ACVR2B: variants seen among roughly 807,000 people sequenced by gnomAD.
ACVR2B encodes activin receptor type-2B.
In ACVR2B, 18 loss-of-function variants were observed where a neutral mutation model predicts 65.1. The ratio of observed to expected loss-of-function variants is 0.28; its 90% CI spans 0.19 to 0.41. The LOEUF (loss-of-function observed/expected upper bound fraction) is 0.41, where lower values mean the gene tolerates loss of function less well. Ranked by LOEUF, ACVR2B falls within the 10% of genes least tolerant of loss-of-function variation. The probability of loss-of-function intolerance (pLI) is 1.00; values close to 1 mark genes in which losing one functional copy is unlikely to be tolerated. For synonymous variants in ACVR2B, 298 were observed against 277.7 expected (o/e 1.07, Z -0.73); for missense variants, 482 against 682.7 (o/e 0.71, Z 3.28).
rs948237461 is a variant in ACVR2B, at chr3:38,488,058, G to A, written c.*4726G>A. On this transcript the variant is annotated 3_prime_UTR_variant, in exon 11 of 11. Coordinates refer to ENST00000352511, the MANE Select transcript of ACVR2B (RefSeq NM_001106.4). ...AACAGCCAAAAAGAGAAGGGGACAA[G>A]GTGTCTTTTTCTCCTTCTCACTGGG... 6.6e-6 allele frequency: 1 copy of A among 152,162 alleles called. No individual in the cohort carries two copies. The highest frequency in any genetic ancestry group is 1.5e-5 in the Non-Finnish European group (1 of 68,040). The allele number at this position is 152,162 out of a possible 1,614,324, so 9.4% of individuals were successfully genotyped here.
rs1489220491 is a variant in ACVR2B at position 38,492,987 on chromosome 3, C to T, written c.*9655C>T. Reference sequence around the variant, plus strand: ...GATCTGCTAAGTTGGGGTTTTGCTGCTTGAACTCTGCACTGGGTCCTCAAA... The same window carrying T: ...GATCTGCTAAGTTGGGGTTTTGCTGTTTGAACTCTGCACTGGGTCCTCAAA... On this transcript the variant is annotated 3_prime_UTR_variant, in exon 11 of 11. Coordinates refer to ENST00000352511, the MANE Select transcript of ACVR2B (RefSeq NM_001106.4). 1 of 152,518 alleles carries T rather than the reference C, an allele frequency of 6.6e-6. No homozygotes were observed. Among genetic ancestry groups the T allele is most frequent in the Non-Finnish European group, 1.5e-5 (1 of 68,018 alleles). 9.4% of individuals were successfully genotyped at this position (152,518 alleles called of 1,614,324 possible).
Position 38,454,309 on chromosome 3 carries a change from C to G in ACVR2B, c.-14C>G, listed in dbSNP as rs1217606351. 4.6e-5 allele frequency: 59 copies of G among 1,281,036 alleles called. No homozygotes were observed. Among genetic ancestry groups the G allele is most frequent in the Non-Finnish European group, 5.6e-5 (57 of 1,014,328 alleles). 79.4% of individuals were successfully genotyped at this position (1,281,036 alleles called of 1,614,324 possible). On this transcript the variant is annotated 5_prime_UTR_variant, in exon 1 of 11. Transcript: ENST00000352511. Reference sequence around the variant, plus strand: ...CCGCGGGCTCCGGGTGTGCGCGGGGCGGCGCCGCGGAACATGACGGCGCCC... The same window carrying G: ...CCGCGGGCTCCGGGTGTGCGCGGGGGGGCGCCGCGGAACATGACGGCGCCC...
rs186904163 is a variant in ACVR2B, at chr3:38,490,514, T to A, written c.*7182T>A. 2.0e-5 allele frequency: 3 copies of A among 152,724 alleles called. No homozygotes were observed. The highest frequency in any genetic ancestry group is 2.0e-4 in the Admixed American group (3 of 15,298). The allele number at this position is 152,724 out of a possible 1,614,324, so 9.5% of individuals were successfully genotyped here. On this transcript the variant is annotated 3_prime_UTR_variant, in exon 11 of 11. Coordinates refer to ENST00000352511, the MANE Select transcript of ACVR2B (RefSeq NM_001106.4). The stretch of plus-strand genomic sequence containing the variant: ...ATTTTCTCTGCTCTCCAGCCACGTG[T>A]CTTGGAATGTAATTCTGTTGTGCCT...
In ACVR2B at chr3:38,477,025, CT is replaced by C. The variant is rs1397490395; in HGVS notation, c.53-261del. On this transcript the variant is annotated intron_variant, in intron 1 of 10. Transcript: ENST00000352511. The surrounding 1 kb of genome is among the most constrained non-coding windows in gnomAD (Gnocchi z 6.7). ...CCTTCTGTGGCATTAGGTTTCCTGC[CT>C]CCTCCCTTTTGCTTAGGCCTAGGGG... 1.7e-6 allele frequency: 1 copy of C among 573,480 alleles called. No individual in the cohort carries two copies. Among genetic ancestry groups the C allele is most frequent in the Non-Finnish European group, 3.1e-6 (1 of 320,472 alleles). The allele number at this position is 573,480 out of a possible 1,614,324, so 35.5% of individuals were successfully genotyped here. A position where few individuals can be genotyped will look rare whatever the true frequency, so the allele number is the denominator to read the frequency against.
chr3:38,473,796 G>A (rs2125719869), intron 1 of ACVR2B: 1 of 152,282 alleles, frequency 6.6e-6, no homozygotes, highest in East Asian at 1.9e-4. Flanking sequence ...TAGCTGTGAA[G>A]TATTGGAGTA....
At chr3:38,472,267 T>C (rs1709831520) in intron 1 of ACVR2B, among the ~76,000 whole-genome samples, 1 of 152,106 alleles carries the variant, frequency 6.6e-6, no homozygotes, top group Non-Finnish European at 1.5e-5. Context: ...AAGTCACTGC[T>C]CTTGGCCCTC....
At position 38,483,237 on chromosome 3, in the gene ACVR2B, C is replaced by G. The variant is rs144370188; in HGVS notation, c.1444C>G (p.Arg482Gly). The G allele has an allele frequency of 6.2e-7, 1 of 1,614,034 alleles. No individual in the cohort carries two copies. The highest frequency in any genetic ancestry group is 1.7e-4 in the Middle Eastern group (1 of 6,060). ...GCVEERVSLIRRSVNGTTSDC... is the reference protein window; with the variant it reads ...GCVEERVSLIGRSVNGTTSDC... ...TGTGGAGGAGCGGGTGTCCCTGATT[C>G]GGAGGTCGGTCAACGGCACTACCTC... Residue 482 changes from arginine (R) to glycine (G), a missense_variant, in exon 11 of 11, where the codon CGG (arginine) becomes GGG (glycine). Around this residue, in one of 5 missense-constraint regions of ACVR2B, gnomAD observed 223 missense variants for 386.3 expected, o/e 0.58. Transcript: ENST00000352511. This position sits in a 1 kb window ranked among gnomAD's most constrained non-coding sequence, Gnocchi z 4.8.
chr3:38,462,252 C>T (rs1056450609), intron 1 of ACVR2B, among the ~76,000 whole-genome samples: 2 of 152,014 alleles, frequency 1.3e-5, no homozygotes, highest in African/African-American at 4.8e-5. Flanking sequence ...CTTTTTTCCA[C>T]CTAAAATGGT....
intron 5 of ACVR2B, 130 bp from the exon 6 acceptor site, chr3:38,478,998 G>T: frequency 3.3e-6 from 4 of 1,218,712 alleles, no homozygotes; most frequent in Non-Finnish European, 4.8e-6. Flanking sequence ...CTGGGAGGCT[G>T]GGGGGTGGGG....
intron 5 of ACVR2B, 151 bp from the exon 6 acceptor site, chr3:38,478,977 A>G (rs912203722): frequency 1.3e-5 from 14 of 1,039,700 alleles, no homozygotes; most frequent in Middle Eastern, 3.0e-4. Context: ...GTCCCCTTAC[A>G]AATGCTGAAG....
Position 38,487,846 on chromosome 3 carries a change from A to C in ACVR2B, c.*4514A>C, listed in dbSNP as rs1710149026. ...GAACTTTATTTCACTAGAAAAATAT[A>C]CTAATTGGAAAGCAGTTTCCAGGAG... On this transcript the variant is annotated 3_prime_UTR_variant, in exon 11 of 11. Transcript: ENST00000352511. 6.6e-6 allele frequency: 1 copy of C among 152,222 alleles called. No homozygotes were observed. Among genetic ancestry groups the C allele is most frequent in the Non-Finnish European group, 1.5e-5 (1 of 68,038 alleles). 9.4% of individuals were successfully genotyped at this position (152,222 alleles called of 1,614,324 possible). A position where few individuals can be genotyped will look rare whatever the true frequency, so the allele number is the denominator to read the frequency against.
Position 38,483,031 on chromosome 3 carries a change from G to A in ACVR2B, c.1345-107G>A. The A allele has an allele frequency of 3.0e-6, 4 of 1,318,504 alleles. No individual in the cohort carries two copies. The East Asian group carries it at 9.2e-5, about 30-fold the overall frequency. 81.7% of individuals were successfully genotyped at this position (1,318,504 alleles called of 1,614,324 possible). A position where few individuals can be genotyped will look rare whatever the true frequency, so the allele number is the denominator to read the frequency against. ...ACCTGCTGCTGTGGTTGGGGCTGGT[G>A]GGCTCTGCCTGATCCTTGGGAATAT... On this transcript the variant is annotated intron_variant, in intron 10 of 10. Coordinates refer to ENST00000352511, the MANE Select transcript of ACVR2B (RefSeq NM_001106.4). The surrounding 1 kb of genome is among the most constrained non-coding windows in gnomAD (Gnocchi z 4.8).
chr3:38,461,850 T>G (rs945895105), intron 1 of ACVR2B, among the ~76,000 whole-genome samples: 2 of 152,202 alleles, frequency 1.3e-5, no homozygotes, highest in Admixed American at 1.3e-4. Context: ...TTGAGATGTA[T>G]TCTTCCAGAC....
rs1575593622 is a variant in ACVR2B at position 38,489,512 on chromosome 3, A to G, written c.*6180A>G. The G allele has an allele frequency of 6.5e-6, 1 of 152,676 alleles. No homozygotes were observed. The highest frequency in any genetic ancestry group is 2.1e-4 in the South Asian group (1 of 4,826). 9.5% of individuals were successfully genotyped at this position (152,676 alleles called of 1,614,324 possible). On this transcript the variant is annotated 3_prime_UTR_variant, in exon 11 of 11. Transcript: ENST00000352511. ...GCGGGTCTTTTTTGGCCAAAACTCC[A>G]CTTGTGGTTGTGTAGGACAGTGATA...
At chr3:38,459,378 G>A (rs1234354384) in intron 1 of ACVR2B, among the ~76,000 whole-genome samples, 1 of 152,200 alleles carries the variant, frequency 6.6e-6, no homozygotes, top group Admixed American at 6.5e-5. Context: ...GCCCGCACCC[G>A]CCCACTCGCC....
intron 1 of ACVR2B, among the ~76,000 whole-genome samples, chr3:38,455,119 T>G (rs1047095117): frequency 6.6e-6 from 1 of 152,200 alleles, no homozygotes; most frequent in African/African-American, 2.4e-5. Flanking sequence ...TGCGGGCGTG[T>G]GGCTGGAGGT....
In ACVR2B at chr3:38,491,126, T is replaced by C. The variant is rs1388048331; in HGVS notation, c.*7794T>C. 1.3e-5 allele frequency: 2 copies of C among 152,458 alleles called. No homozygotes were observed. Among genetic ancestry groups the C allele is most frequent in the East Asian group, 3.8e-4 (2 of 5,200 alleles). The allele number at this position is 152,458 out of a possible 1,614,324, so 9.4% of individuals were successfully genotyped here. A position where few individuals can be genotyped will look rare whatever the true frequency, so the allele number is the denominator to read the frequency against. ...TCTGTAGCATATGTTGCTGTGAAATTAGGCCTTGTGGGATATGGCTGTTTG... is the reference window on the plus strand; with the variant it reads ...TCTGTAGCATATGTTGCTGTGAAATCAGGCCTTGTGGGATATGGCTGTTTG... On this transcript the variant is annotated 3_prime_UTR_variant, in exon 11 of 11. Coordinates refer to ENST00000352511, the MANE Select transcript of ACVR2B (RefSeq NM_001106.4).
At chr3:38,455,395 C>T (rs993541905) in intron 1 of ACVR2B, among the ~76,000 whole-genome samples, 2 of 152,128 alleles carry the variant, frequency 1.3e-5, no homozygotes, top group South Asian at 2.1e-4. Flanking sequence ...GTTCCCAGCC[C>T]CCATTACACA....
intron 1 of ACVR2B, chr3:38,459,548 G>A (rs1431274839): frequency 1.0e-6 from 1 of 978,944 alleles, no homozygotes; most frequent in African/African-American, 1.7e-5. Flanking sequence ...GCCAAGCGGA[G>A]CACTGGGGTT....
Sources: allele counts gnomAD v4.1 joint callset (sites outside exome capture counted in the v4.1 genomes callset), GRCh38; gene constraint gnomAD v4.1.1; regional missense constraint gnomAD v4.1.1; non-coding constraint Gnocchi (gnomAD v3.1); transcripts MANE v1.5; gene names NCBI Gene and HGNC (gene_info 2026-07-23, HGNC 2026-07-21).